The following SGCG variants were observed in gnomAD, a reference collection of about 807,000 sequenced individuals.
SGCG encodes the protein sarcoglycan gamma, also known as gamma-sarcoglycan.
In SGCG, 26 loss-of-function variants were observed where a neutral mutation model predicts 29.3. That is an observed-to-expected ratio of 0.89 (90% CI 0.65 to 1.23). SGCG has a LOEUF of 1.23. SGCG is among the 50% of genes most tolerant of loss of function. The pLI is 0.00. For synonymous variants in SGCG, 145 were observed against 129.7 expected, an observed-to-expected ratio of 1.12 and a Z score of -0.80; for missense variants, 353 against 356.0, an observed-to-expected ratio of 0.99 and a Z score of 0.07.
chr13:23,315,512 G>A (rs145141852), intron 6 of SGCG, among the ~76,000 whole-genome samples: 4,041 of 152,254 alleles, frequency 0.027, 103 homozygotes, highest in East Asian at 0.12. Context: ...GATCAGTTGA[G>A]AGAGGAAGAG....
intron 5 of SGCG, among the ~76,000 whole-genome samples, chr13:23,289,098 A>G (rs895677394): frequency 6.6e-6 from 1 of 152,264 alleles, no homozygotes; most frequent in Non-Finnish European, 1.5e-5. Flanking sequence ...AAGGATGTTA[A>G]GTCGAAAAAG....
At chr13:23,184,350 T>C (rs1193051965) in intron 1 of SGCG, among the ~76,000 whole-genome samples, 2 of 132,182 alleles carry the variant, frequency 1.5e-5, no homozygotes, top group African/African-American at 5.8e-5. Context: ...TACACAATTT[T>C]TAGGGACTAG....
intron 6 of SGCG, among the ~76,000 whole-genome samples, chr13:23,299,715 G>C (rs1199547695): frequency 6.6e-6 from 1 of 151,914 alleles, no homozygotes; most frequent in African/African-American, 2.4e-5. Context: ...GCCTCCCAAA[G>C]TGCTGGGATT....
intron 4 of SGCG, among the ~76,000 whole-genome samples, chr13:23,263,592 G>T (rs1401657878): frequency 1.3e-5 from 2 of 151,770 alleles, no homozygotes; most frequent in African/African-American, 4.8e-5. Context: ...TACGAACCCA[G>T]TATTACCCTG....
Position 23,240,264 on chromosome 13 carries a change from C to T in SGCG, c.297+5552C>T, listed in dbSNP as rs554785152. Among the ~76,000 whole-genome samples, 7 of 152,232 alleles carry T rather than the reference C, an allele frequency of 4.6e-5. No homozygotes were observed. In the East Asian group the frequency reaches 1.3e-3, roughly 29 times the overall value. On this transcript the variant is annotated intron_variant, in intron 3 of 7. Coordinates refer to ENST00000218867, the MANE Select transcript of SGCG (RefSeq NM_000231.3). ...ATTTAAGATGACATAGGAATAAATT[C>T]TTCAATATTTATGGTTCTAAACACT...
At chr13:23,225,382 G>A (rs1878856135) in intron 2 of SGCG, among the ~76,000 whole-genome samples, 1 of 152,154 alleles carries the variant, frequency 6.6e-6, no homozygotes, top group Non-Finnish European at 1.5e-5. Flanking sequence ...TCGTGAGGAG[G>A]TAGTTTGAAA....
intron 6 of SGCG, among the ~76,000 whole-genome samples, chr13:23,310,245 C>T (rs1056117523): frequency 6.6e-5 from 10 of 151,828 alleles, no homozygotes; most frequent in Admixed American, 2.0e-4. Context: ...CGCCACCACA[C>T]CCGGGTAATT....
upstream of SGCG, among the ~76,000 whole-genome samples, chr13:23,176,453 ATTTTC>A (rs1876557238): frequency 6.6e-6 from 1 of 152,004 alleles, no homozygotes; most frequent in Non-Finnish European, 1.5e-5. Flanking sequence ...TAATTGCTAT[ATTTTC>A]TTGCTGAAAA....
intron 2 of SGCG, among the ~76,000 whole-genome samples, chr13:23,229,270 G>A (rs530915586): frequency 7.0e-4 from 105 of 150,112 alleles, no homozygotes; most frequent in African/African-American, 2.4e-3. Context: ...ACGCATGCAT[G>A]TGTCTTTATA....
intron 4 of SGCG, among the ~76,000 whole-genome samples, chr13:23,273,931 C>A (rs577921034): frequency 6.6e-6 from 1 of 152,234 alleles, no homozygotes; most frequent in South Asian, 2.1e-4. Flanking sequence ...ACTTGTTATT[C>A]CACTTGACCT....
chr13:23,183,957 T>C (rs530380317), intron 1 of SGCG, among the ~76,000 whole-genome samples: 17 of 152,288 alleles, frequency 1.1e-4, no homozygotes, highest in East Asian at 3.9e-4. Context: ...TGAGCCACCA[T>C]GCCCAGCCTA....
chr13:23,232,610 G>A lies in SGCG; in HGVS notation c.196-2001G>A, dbSNP rs369169410. On this transcript the variant is annotated intron_variant, in intron 2 of 7. Transcript: ENST00000218867. The stretch of plus-strand genomic sequence containing the variant: ...ATCCTGGCTAACACGGTGAAACCCT[G>A]TCTCTATTAAAAATACAAAAAATTA... Among the ~76,000 whole-genome samples the A allele has an allele frequency of 1.8e-4, 28 of 152,198 alleles. 2 individuals carry two copies. In the South Asian group the frequency reaches 5.6e-3, roughly 31 times the overall value.
intron 4 of SGCG, chr13:23,268,287 C>G (rs550460308): frequency 6.6e-6 from 1 of 152,228 alleles, no homozygotes; most frequent in Admixed American, 6.5e-5. Context: ...CAGTAGGAAT[C>G]AATGCTATAA....
intron 3 of SGCG, among the ~76,000 whole-genome samples, chr13:23,248,338 T>C (rs1279976053): frequency 6.6e-6 from 1 of 152,150 alleles, no homozygotes; most frequent in African/African-American, 2.4e-5. Flanking sequence ...TAATTTATCT[T>C]TTTTTCTTCA....
chr13:23,302,989 C>T (rs1328476430), intron 6 of SGCG, among the ~76,000 whole-genome samples: 1 of 152,206 alleles, frequency 6.6e-6, no homozygotes, highest in Non-Finnish European at 1.5e-5. Flanking sequence ...GGCGACAATT[C>T]ATTAGGTCTT....
chr13:23,187,633 C>T (rs1877043068), intron 1 of SGCG, among the ~76,000 whole-genome samples: 1 of 152,132 alleles, frequency 6.6e-6, no homozygotes. Context: ...AGGAGAGGTG[C>T]ATTAGTGGTG....
the SGCG span, among the ~76,000 whole-genome samples, chr13:23,163,608 A>C: frequency 1.7e-4 from 26 of 152,198 alleles, no homozygotes; most frequent in African/African-American, 6.3e-4. Flanking sequence ...GTATAGCTAC[A>C]TCAGTAATTA....
chr13:23,301,543 G>A (rs1179796559), intron 6 of SGCG, among the ~76,000 whole-genome samples: 6 of 152,110 alleles, frequency 3.9e-5, no homozygotes, highest in Admixed American at 2.0e-4. Flanking sequence ...AGTAGGCATC[G>A]CGATATTAAT....
At chr13:23,286,109 T>G (rs1724740164) in intron 5 of SGCG, among the ~76,000 whole-genome samples, 1 of 152,210 alleles carries the variant, frequency 6.6e-6, no homozygotes, top group African/African-American at 2.4e-5. Context: ...AGAATTAGAC[T>G]GAGTTCCAAT....
Sources: allele counts gnomAD v4.1 joint callset (sites outside exome capture counted in the v4.1 genomes callset), GRCh38; gene constraint gnomAD v4.1.1; transcripts MANE v1.5; gene names NCBI Gene and HGNC (gene_info 2026-07-23, HGNC 2026-07-21).